The following FIGN variants were observed in gnomAD, a reference collection of about 807,000 sequenced individuals.
FIGN encodes the protein fidgetin, microtubule severing factor, also known as fidgetin.
FIGN carries 11 observed loss-of-function variants against 51.3 expected under a neutral mutation model. The observed-to-expected ratio is 0.21, with a 90% CI of 0.13 to 0.35. FIGN has a LOEUF of 0.35. FIGN is among the 10% of genes least tolerant of loss of function. The pLI is 1.00. For synonymous variants in FIGN, 407 were observed against 363.2 expected (o/e 1.12, Z -1.37); for missense variants, 857 against 943.6 (o/e 0.91, Z 1.20).
At chr2:163,679,553 A>G (rs1027521821) in intron 2 of FIGN, among the ~76,000 whole-genome samples, 1 of 152,038 alleles carries the variant, frequency 6.6e-6, no homozygotes, top group East Asian at 1.9e-4. Flanking sequence ...TTTAAAGTAT[A>G]CCAGCTTTAG....
intron 2 of FIGN, among the ~76,000 whole-genome samples, chr2:163,652,752 T>C (rs1405586853): frequency 6.6e-6 from 1 of 152,128 alleles, no homozygotes; most frequent in Non-Finnish European, 1.5e-5. Context: ...TTATCTAAAA[T>C]GTCTGTATTT....
At chr2:163,614,542 G>C (rs1200103144) in intron 2 of FIGN, among the ~76,000 whole-genome samples, 3 of 151,800 alleles carry the variant, frequency 2.0e-5, no homozygotes, top group African/African-American at 4.8e-5. Flanking sequence ...AAAATACAGA[G>C]TAGAGAAAAT....
Position 163,611,432 on chromosome 2 carries a change from C to T in FIGN, c.400G>A (p.Gly134Arg), listed in dbSNP as rs756865194. The T allele has an allele frequency of 2.5e-6, 4 of 1,614,154 alleles. No individual in the cohort carries two copies. The highest frequency in any genetic ancestry group is 3.4e-6 in the Non-Finnish European group (4 of 1,180,022). ...GCTGGAGGGAGGGCTGAACTGACTCCAGCTTTGCTGGCAGTGATAACATCC... is the reference window on the plus strand; with the variant it reads ...GCTGGAGGGAGGGCTGAACTGACTCTAGCTTTGCTGGCAGTGATAACATCC... ...VPDVITASKA[G>R]VSSALPPADV... is the part of the protein sequence containing the mutation. The change falls in exon 3 of 3, where the codon GGA (glycine) becomes AGA (arginine). Residue 134 changes from glycine (G) to arginine (R), a missense_variant. Physicochemically the swap from Gly to Arg is moderately radical, Grantham distance 125 (BLOSUM62 -2). This residue lies in a region of FIGN where 799 missense variants were observed against 849.5 expected (regional missense o/e 0.94). Transcript: ENST00000333129.
intron 2 of FIGN, among the ~76,000 whole-genome samples, chr2:163,692,388 T>C (rs1684251728): frequency 6.6e-6 from 1 of 152,176 alleles, no homozygotes. Context: ...TATATAACAA[T>C]ATGATATTAA....
At chr2:163,630,535 C>G (rs547632796) in intron 2 of FIGN, among the ~76,000 whole-genome samples, 1 of 152,166 alleles carries the variant, frequency 6.6e-6, no homozygotes, top group South Asian at 2.1e-4. Flanking sequence ...AAACTCATCA[C>G]CACCATGAGA....
At chr2:163,724,806 G>A (rs1238435195) in intron 2 of FIGN, among the ~76,000 whole-genome samples, 1 of 152,084 alleles carries the variant, frequency 6.6e-6, no homozygotes, top group Non-Finnish European at 1.5e-5. Flanking sequence ...CATCTTTAAA[G>A]GCATATATAT....
At chr2:163,653,379 C>A (rs996778774) in intron 2 of FIGN, among the ~76,000 whole-genome samples, 1 of 151,774 alleles carries the variant, frequency 6.6e-6, no homozygotes, top group Non-Finnish European at 1.5e-5. Context: ...TATAAGCTTG[C>A]CACTTATATG....
At chr2:163,665,795 T>C (rs1350491883) in intron 2 of FIGN, among the ~76,000 whole-genome samples, 6 of 151,984 alleles carry the variant, frequency 3.9e-5, no homozygotes. Context: ...TAATGGAGAG[T>C]GAAAAAAAAT....
intron 2 of FIGN, among the ~76,000 whole-genome samples, chr2:163,731,861 T>C (rs1404311701): frequency 1.3e-5 from 2 of 152,168 alleles, no homozygotes; most frequent in Non-Finnish European, 2.9e-5. Context: ...TGAGACTTTA[T>C]TACCCTGCTA....
chr2:163,704,168 G>T (rs950928236), intron 2 of FIGN, among the ~76,000 whole-genome samples: 2 of 151,960 alleles, frequency 1.3e-5, no homozygotes, highest in South Asian at 2.1e-4. Flanking sequence ...ATCCAAAAAA[G>T]GTGATTGAAG....
chr2:163,668,598 C>T (rs1448927182), intron 2 of FIGN, among the ~76,000 whole-genome samples: 1 of 152,070 alleles, frequency 6.6e-6, no homozygotes, highest in Admixed American at 6.6e-5. Context: ...AACACATTTT[C>T]CCCCTCTCTG....
rs1050935177 is a variant in FIGN, at chr2:163,715,590, A to G, written c.25+19313T>C. ...TACATGCAAAAGTTAGGGGAGAATG[A>G]ATGGAAGACAGAGGAAAGAGGGAAT... is the stretch of plus-strand genomic sequence containing the variant. On this transcript the variant is annotated intron_variant, in intron 2 of 2. Transcript: ENST00000333129. Among the ~76,000 whole-genome samples, 4 of 152,314 alleles carry G rather than the reference A, an allele frequency of 2.6e-5. No homozygotes were observed. In the South Asian group the frequency reaches 8.3e-4, roughly 32 times the overall value.
chr2:163,726,952 C>G (rs933880377), intron 2 of FIGN, among the ~76,000 whole-genome samples: 6 of 151,956 alleles, frequency 3.9e-5, no homozygotes, highest in South Asian at 2.1e-4. Context: ...AATGAAAATG[C>G]CTTCAATCTT....
chr2:163,734,846 A>G (rs1684990883), intron 2 of FIGN, 57 bp downstream of exon 2: 3 of 1,532,672 alleles, frequency 2.0e-6, no homozygotes, highest in East Asian at 4.7e-5. Context: ...TTATCATGCT[A>G]TTTCATTTGT....
intron 2 of FIGN, among the ~76,000 whole-genome samples, chr2:163,613,126 C>T (rs571826919): frequency 5.3e-5 from 8 of 152,180 alleles, no homozygotes; most frequent in African/African-American, 1.7e-4. Context: ...TTATAATGTA[C>T]CCTCGAGGTC....
At chr2:163,716,321 T>C (rs1472333558) in intron 2 of FIGN, among the ~76,000 whole-genome samples, 2 of 152,172 alleles carry the variant, frequency 1.3e-5, no homozygotes, top group East Asian at 1.9e-4. Flanking sequence ...CTTTAACCCA[T>C]TCCCAGTTTG....
chr2:163,658,674 A>G (rs542323859), intron 2 of FIGN, among the ~76,000 whole-genome samples: 2 of 152,240 alleles, frequency 1.3e-5, no homozygotes, highest in East Asian at 1.9e-4. Context: ...CATGGGAACT[A>G]AGAGTGAGCA....
At chr2:163,714,733 T>C (rs1204485096) in intron 2 of FIGN, among the ~76,000 whole-genome samples, 1 of 152,182 alleles carries the variant, frequency 6.6e-6, no homozygotes, top group East Asian at 1.9e-4. Flanking sequence ...GAAGTGAAGC[T>C]CAAAATTTAT....
intron 2 of FIGN, among the ~76,000 whole-genome samples, chr2:163,726,244 C>T (rs1395653007): frequency 3.3e-5 from 5 of 151,996 alleles, no homozygotes; most frequent in East Asian, 1.9e-4. Flanking sequence ...CTCCCAAAAA[C>T]GTTGCTTAAT....
Sources: gnomAD v4.1 joint callset for allele counts (sites outside exome capture counted in the v4.1 genomes callset) on GRCh38, gnomAD v4.1.1 for gene constraint, gnomAD v4.1.1 regional missense constraint, MANE v1.5 for transcripts, NCBI Gene and HGNC (gene_info 2026-07-23, HGNC 2026-07-21) for gene names.